The following PLA2R1 variants were observed in gnomAD, a reference collection of about 807,000 sequenced individuals.
PLA2R1 encodes the protein phospholipase A2 receptor 1.
Under a neutral mutation model 195.9 loss-of-function variants are expected in PLA2R1, and 158 were observed. That is an observed-to-expected ratio of 0.81 (90% CI 0.71 to 0.92). The LOEUF (loss-of-function observed/expected upper bound fraction) is 0.92. PLA2R1 is among the 40% of genes least tolerant of loss of function. The pLI, the probability that PLA2R1 is intolerant of heterozygous loss-of-function variation, is 0.00. For missense variants in PLA2R1, 1,626 were observed against 1,764.6 expected (o/e 0.92, Z 1.41); for synonymous variants, 586 against 598.2 (o/e 0.98, Z 0.30).
the PLA2R1 span, among the ~76,000 whole-genome samples, chr2:159,924,807 T>C: frequency 6.6e-6 from 1 of 152,140 alleles, no homozygotes; most frequent in Non-Finnish European, 1.5e-5. Flanking sequence ...CGTGTTCTTT[T>C]TTCGCTCCCA....
intron 11 of PLA2R1, among the ~76,000 whole-genome samples, chr2:159,997,618 C>T (rs113309094): frequency 7.9e-5 from 12 of 152,214 alleles, no homozygotes; most frequent in Admixed American, 3.9e-4. Flanking sequence ...GAGTCCCCTA[C>T]AGTTTTTAAC....
intron 11 of PLA2R1, among the ~76,000 whole-genome samples, chr2:160,001,592 A>T (rs1573865373): frequency 6.6e-6 from 1 of 152,016 alleles, no homozygotes; most frequent in Non-Finnish European, 1.5e-5. Flanking sequence ...ACACAAAAAC[A>T]TTCAAAGTTA....
chr2:160,005,675 G>A lies in PLA2R1; in HGVS notation c.1811C>T (p.Thr604Ile), dbSNP rs749949544. The change falls in exon 11 of 30, where the codon ACA (threonine) becomes ATA (isoleucine). Residue 604 changes from threonine (T) to isoleucine (I), a missense_variant. Thr to Ile is a moderately conservative substitution (Grantham distance 89). Transcript: ENST00000283243. ...ACGCGGCTGGTGTGTGTTCCAGTGTGTGTACTGCACCGGCTCGGGTTTCTG... is the reference window on the plus strand; with the variant it reads ...ACGCGGCTGGTGTGTGTTCCAGTGTATGTACTGCACCGGCTCGGGTTTCTG... ...VGQKPEPVQY[T>I]HWNTHQPRYS... 5.0e-6 allele frequency: 8 copies of A among 1,614,066 alleles called. No homozygotes were observed. The highest frequency in any genetic ancestry group is 6.8e-6 in the Non-Finnish European group (8 of 1,179,976).
intron 1 of PLA2R1, among the ~76,000 whole-genome samples, chr2:160,057,561 C>T (rs934389156): frequency 6.6e-6 from 1 of 152,172 alleles, no homozygotes; most frequent in Non-Finnish European, 1.5e-5. Flanking sequence ...CCTACTTATC[C>T]TTTAGGAAAA....
intron 11 of PLA2R1, among the ~76,000 whole-genome samples, chr2:159,992,425 G>C (rs10208699): frequency 0.59 from 81,978 of 139,056 alleles, 27,267 homozygotes; most frequent in Non-Finnish European, 0.75. Flanking sequence ...TTGCTTCAAA[G>C]AGAATAAAAT....
intron 11 of PLA2R1, among the ~76,000 whole-genome samples, chr2:159,995,797 C>T (rs62175466): frequency 0.37 from 54,451 of 145,662 alleles, 12,281 homozygotes; most frequent in Non-Finnish European, 0.49. Flanking sequence ...CAAAATTGAG[C>T]GCAAAATACA....
chr2:159,983,262 G>C (rs1690087201), intron 13 of PLA2R1, among the ~76,000 whole-genome samples: 1 of 152,172 alleles, frequency 6.6e-6, no homozygotes, highest in Non-Finnish European at 1.5e-5. Context: ...GCAGACAGCA[G>C]ATGACCACGG....
intron 11 of PLA2R1, among the ~76,000 whole-genome samples, chr2:160,000,266 C>T (rs1691504444): frequency 6.6e-6 from 1 of 152,156 alleles, no homozygotes; most frequent in Admixed American, 6.6e-5. Context: ...TGTAAGGAAA[C>T]TTGTCTCTGT....
intron 10 of PLA2R1, among the ~76,000 whole-genome samples, chr2:160,008,642 T>A (rs1487099182): frequency 3.9e-5 from 6 of 152,200 alleles, no homozygotes; most frequent in Admixed American, 6.5e-5. Flanking sequence ...TATTTGGCAA[T>A]GATTTCTTGT....
chr2:160,046,819 A>C (rs530839636), intron 1 of PLA2R1, among the ~76,000 whole-genome samples: 50 of 152,184 alleles, frequency 3.3e-4, no homozygotes, highest in Non-Finnish European at 6.0e-4. Context: ...CATGGTTATT[A>C]GTAATAGTGA....
At chr2:159,946,253 C>A in intron 27 of PLA2R1, 2 of 984,330 alleles carry the variant, frequency 2.0e-6, no homozygotes, top group Non-Finnish European at 1.2e-6. Context: ...TAGGCTCACC[C>A]CCAACCTTGG....
chr2:160,010,090 A>G (rs1388382393), intron 10 of PLA2R1, among the ~76,000 whole-genome samples: 1 of 152,210 alleles, frequency 6.6e-6, no homozygotes. Context: ...AGCCTGGGCA[A>G]CAGAGTAAGA....
At chr2:159,965,677 T>C (rs1688742331) in intron 20 of PLA2R1, among the ~76,000 whole-genome samples, 1 of 152,166 alleles carries the variant, frequency 6.6e-6, no homozygotes, top group Non-Finnish European at 1.5e-5. Context: ...GATTGCTGGA[T>C]CAAATGGTAA....
Position 159,987,180 on chromosome 2 carries a change from C to A in PLA2R1, c.2013G>T (p.Glu671Asp). The change falls in exon 12 of 30, where the codon GAG (glutamate) becomes GAT (aspartate). Residue 671 changes from glutamate (E) to aspartate (D), a missense_variant. Transcript: ENST00000283243. ...CCTTGAAGCAACTGGCCAGACCAGG[C>A]TCTGACTCCCAGTCCAAATAGCAGG... ...FHPCYLDWESEPGLASCFKVF... is the reference protein window; with the variant it reads ...FHPCYLDWESDPGLASCFKVF... 1 of 1,613,950 alleles carries A rather than the reference C, an allele frequency of 6.2e-7. No homozygotes were observed. Among genetic ancestry groups the A allele is most frequent in the South Asian group, 1.1e-5 (1 of 91,078 alleles).
rs1227611696 is a variant in PLA2R1, at chr2:159,947,471, T to C, written c.3798A>G (p.Thr1266=). 1 of 1,613,152 alleles carries C rather than the reference T, an allele frequency of 6.2e-7. No homozygotes were observed. The highest frequency in any genetic ancestry group is 1.1e-5 in the South Asian group (1 of 91,048). The part of the protein sequence containing the change: ...KFKSNCYSFS[T]VLDSMSFEAA... ...CCTCAAAACTCATACTGTCTAGGAC[T>C]GTAGAAAAACTGTAGCAATTACTTT... Residue 1266 remains threonine, a synonymous_variant, in exon 26 of 30, where the codon ACA becomes ACG. Coordinates refer to ENST00000283243, the MANE Select transcript of PLA2R1 (RefSeq NM_007366.5).
At chr2:159,945,596 CATT>C (rs1271251148) in intron 27 of PLA2R1, among the ~76,000 whole-genome samples, 1 of 152,164 alleles carries the variant, frequency 6.6e-6, no homozygotes, top group Non-Finnish European at 1.5e-5. Context: ...TCCAGTCTAT[CATT>C]GTTGGACATT....
At chr2:160,036,713 C>CTCAG (rs1248973872) in intron 3 of PLA2R1, among the ~76,000 whole-genome samples, 1 of 152,208 alleles carries the variant, frequency 6.6e-6, no homozygotes, top group Admixed American at 6.5e-5. Context: ...CCCACCCTGA[C>CTCAG]TCAGTGCTCA....
intron 20 of PLA2R1, among the ~76,000 whole-genome samples, chr2:159,965,379 T>C (rs748445134): frequency 1.3e-5 from 2 of 152,220 alleles, no homozygotes; most frequent in South Asian, 2.1e-4. Flanking sequence ...CAGAATGTCA[T>C]ATAGTTGGAA....
At chr2:160,004,012 C>T (rs1691790139) in intron 11 of PLA2R1, among the ~76,000 whole-genome samples, 1 of 152,146 alleles carries the variant, frequency 6.6e-6, no homozygotes, top group Non-Finnish European at 1.5e-5. Context: ...AGTACATATG[C>T]ATAAATGTAT....
Sources: allele counts gnomAD v4.1 joint callset (sites outside exome capture counted in the v4.1 genomes callset), GRCh38; gene constraint gnomAD v4.1.1; transcripts MANE v1.5; gene names NCBI Gene and HGNC (gene_info 2026-07-23, HGNC 2026-07-21).